Variants in RAVER2 observed in about 807,000 individuals in gnomAD.
RAVER2 encodes ribonucleoprotein PTB-binding 2.
In RAVER2, 46 loss-of-function variants were observed where a neutral mutation model predicts 78.1. The observed-to-expected ratio is 0.59, with a 90% CI of 0.46 to 0.75. The LOEUF (loss-of-function observed/expected upper bound fraction) is 0.75, where lower values mean the gene tolerates loss of function less well. Among genes scored for constraint, RAVER2 ranks in the 30% least tolerant of loss-of-function variants. RAVER2 has a pLI of 0.00. For missense variants in RAVER2, 793 were observed against 837.5 expected (o/e 0.95, Z 0.66); for synonymous variants, 311 against 313.3 (o/e 0.99, Z 0.08).
At chr1:64,796,985 G>A (rs951649928) in intron 5 of RAVER2, among the ~76,000 whole-genome samples, 1 of 151,968 alleles carries the variant, frequency 6.6e-6, no homozygotes, top group African/African-American at 2.4e-5. Flanking sequence ...TGGTCAGTTG[G>A]TTATTTGTGT....
intron 1 of RAVER2, among the ~76,000 whole-genome samples, chr1:64,763,674 G>C (rs1184510370): frequency 6.6e-6 from 1 of 152,052 alleles, no homozygotes; most frequent in African/African-American, 2.4e-5. Context: ...GGCTGAGACG[G>C]GCGGATCACC....
At chr1:64,808,960 A>G (rs896039252) in intron 9 of RAVER2, among the ~76,000 whole-genome samples, 7 of 152,172 alleles carry the variant, frequency 4.6e-5, no homozygotes, top group Non-Finnish European at 2.9e-5. Context: ...GAGTCTATCT[A>G]CAAGAGGACA....
At chr1:64,790,596 A>T (rs1206702545) in intron 5 of RAVER2, among the ~76,000 whole-genome samples, 1 of 152,210 alleles carries the variant, frequency 6.6e-6, no homozygotes, top group Non-Finnish European at 1.5e-5. Flanking sequence ...AATTGCTAAG[A>T]TCTACAGTAA....
intron 3 of RAVER2, among the ~76,000 whole-genome samples, chr1:64,781,034 A>AT (rs1177679425): frequency 6.6e-6 from 1 of 152,090 alleles, no homozygotes; most frequent in Non-Finnish European, 1.5e-5. Flanking sequence ...GTACCTGGTG[A>AT]TTTTCTTTTA....
chr1:64,815,529 G>A (rs1199235400), intron 11 of RAVER2: 1 of 152,110 alleles, frequency 6.6e-6, no homozygotes, highest in African/African-American at 2.4e-5. Flanking sequence ...AGCCCTGTGT[G>A]ATTATGGAAT....
At chr1:64,813,398 A>G (rs1158875212) in intron 10 of RAVER2, among the ~76,000 whole-genome samples, 3 of 152,120 alleles carry the variant, frequency 2.0e-5, no homozygotes, top group African/African-American at 4.8e-5. Flanking sequence ...TTTTTTTTTA[A>G]TAATTGAGGG....
intron 5 of RAVER2, among the ~76,000 whole-genome samples, chr1:64,796,036 TA>T (rs1653086474): frequency 6.6e-6 from 1 of 152,064 alleles, no homozygotes; most frequent in African/African-American, 2.4e-5. Flanking sequence ...TTTCTCCATC[TA>T]TTGAGATGAT....
chr1:64,789,362 G>T (rs746301400), intron 4 of RAVER2, 26 bp from the exon 5 acceptor site: 1 of 1,561,106 alleles, frequency 6.4e-7, no homozygotes, highest in Non-Finnish European at 8.7e-7. Context: ...CTGTTCTAAT[G>T]TTTCTTATTT....
intron 5 of RAVER2, among the ~76,000 whole-genome samples, chr1:64,800,868 C>G (rs1379825684): frequency 6.6e-6 from 1 of 152,068 alleles, no homozygotes; most frequent in Non-Finnish European, 1.5e-5. Flanking sequence ...TCATTCTACT[C>G]CTGAAACCAA....
intron 11 of RAVER2, among the ~76,000 whole-genome samples, chr1:64,825,758 A>G (rs761343791): frequency 1.3e-5 from 2 of 152,270 alleles, no homozygotes; most frequent in Admixed American, 6.5e-5. Context: ...TTCTGTTTCT[A>G]CATTCACTTG....
At chr1:64,776,532 CTCTG>C (rs570877694) in intron 2 of RAVER2, among the ~76,000 whole-genome samples, 21 of 152,188 alleles carry the variant, frequency 1.4e-4, no homozygotes, top group Non-Finnish European at 2.8e-4. Context: ...TAAATTACTT[CTCTG>C]TCTCTTGCTA....
chr1:64,802,769 T>C (rs1283461929), intron 5 of RAVER2, among the ~76,000 whole-genome samples: 1 of 152,196 alleles, frequency 6.6e-6, no homozygotes, highest in Non-Finnish European at 1.5e-5. Flanking sequence ...GGCAGAAGGC[T>C]TTTGAATTTT....
At chr1:64,781,662 G>GCAA in intron 4 of RAVER2, 91 bp downstream of exon 4, 1 of 1,221,000 alleles carries the variant, frequency 8.2e-7, no homozygotes, top group Non-Finnish European at 1.1e-6. Context: ...GTAATTGATT[G>GCAA]TCGATTGCAC....
At chr1:64,778,012 G>A in exon 3 of RAVER2, 1 of 1,614,026 alleles carries the variant, frequency 6.2e-7, no homozygotes, top group Non-Finnish European at 8.5e-7. Context: ...CCTTTGTATT[G>A]ATAAACTCCC....
intron 4 of RAVER2, among the ~76,000 whole-genome samples, chr1:64,786,795 G>GA (rs571259796): frequency 8.8e-4 from 125 of 142,048 alleles, no homozygotes; most frequent in East Asian, 5.7e-3. Flanking sequence ...TCTGTCTCAA[G>GA]AAAAAAAAAA....
chr1:64,819,668 A>G (rs531447643), intron 11 of RAVER2, among the ~76,000 whole-genome samples: 1 of 152,352 alleles, frequency 6.6e-6, no homozygotes, highest in Admixed American at 6.5e-5. Context: ...AATAAAAGGA[A>G]ATTTTTACCT....
chr1:64,794,397 CAAA>C (rs60233578), intron 5 of RAVER2, among the ~76,000 whole-genome samples: 2 of 59,976 alleles, frequency 3.3e-5, no homozygotes, highest in Non-Finnish European at 6.7e-5. Flanking sequence ...GACTCCGTCT[CAAA>C]AAAAAAAAAA....
chr1:64,756,594 C>G (rs1651862684), intron 1 of RAVER2, among the ~76,000 whole-genome samples: 1 of 152,128 alleles, frequency 6.6e-6, no homozygotes, highest in Non-Finnish European at 1.5e-5. Context: ...CCATGTATCC[C>G]TTACCCAGTT....
intron 5 of RAVER2, among the ~76,000 whole-genome samples, chr1:64,798,525 T>A (rs1653166273): frequency 6.6e-6 from 1 of 152,040 alleles, no homozygotes; most frequent in South Asian, 2.1e-4. Context: ...GTTGAACTAG[T>A]TTACAGTCCC....
Sources: allele counts gnomAD v4.1 joint callset (sites outside exome capture counted in the v4.1 genomes callset), GRCh38; gene constraint gnomAD v4.1.1; transcripts MANE v1.5; gene names NCBI Gene and HGNC (gene_info 2026-07-23, HGNC 2026-07-21).